SARS1: variants seen among roughly 807,000 people sequenced by gnomAD.
SARS1 encodes the protein seryl-tRNA synthetase 1, also known as serine--tRNA ligase, cytoplasmic.
SARS1 carries 25 observed loss-of-function variants against 63.7 expected under a neutral mutation model. The ratio of observed to expected loss-of-function variants is 0.39; its 90% CI spans 0.29 to 0.55. SARS1 has a LOEUF of 0.55. Among genes scored for constraint, SARS1 ranks in the 20% least tolerant of loss-of-function variants. The pLI is 0.62. For missense variants in SARS1, 417 were observed against 649.7 expected (o/e 0.64, Z 3.89); for synonymous variants, 231 against 243.5 (o/e 0.95, Z 0.48).
chr1:109,228,298 A>T (rs1655134807), intron 2 of SARS1, 54 bp from the exon 3 acceptor site: 1 of 1,305,832 alleles, frequency 7.7e-7, no homozygotes, highest in South Asian at 1.2e-5. Flanking sequence ...TTTATAAAAC[A>T]ATGCCAGAGA....
At chr1:109,218,366 G>GAAA (rs35425522) in intron 1 of SARS1, among the ~76,000 whole-genome samples, 1 of 114,280 alleles carries the variant, frequency 8.8e-6, no homozygotes, top group African/African-American at 3.5e-5. Context: ...GACTTCATCT[G>GAAA]AAAAAAAAAA....
intron 2 of SARS1, among the ~76,000 whole-genome samples, chr1:109,226,495 A>G (rs1655074213): frequency 6.8e-6 from 1 of 146,658 alleles, no homozygotes; most frequent in South Asian, 2.2e-4. Flanking sequence ...AGGACTATAG[A>G]CACATGTCAC....
chr1:109,225,501 A>G (rs943995666), intron 2 of SARS1, among the ~76,000 whole-genome samples: 2 of 152,194 alleles, frequency 1.3e-5, no homozygotes, highest in Non-Finnish European at 1.5e-5. Context: ...TTTTGAAGCA[A>G]GAAGATGGGA....
At position 109,231,640 on chromosome 1, in the gene SARS1, G is replaced by T; in HGVS notation, c.601G>T (p.Val201Leu). ...GTCTCTGCTCCTCTAGGGGGTCCTG[G>T]TGTTCCTGGAACAGGCTCTCATCCA... Reference protein sequence around the residue: ...SRGYFLKGVLVFLEQALIQYA... With the variant: ...SRGYFLKGVLLFLEQALIQYA... Residue 201 changes from valine (V) to leucine (L), a missense_variant, in exon 6 of 11, where the codon GTG becomes TTG. Transcript: ENST00000234677. 1 of 1,536,126 alleles carries T rather than the reference G, an allele frequency of 6.5e-7. No homozygotes were observed. Among genetic ancestry groups the T allele is most frequent in the Non-Finnish European group, 8.7e-7 (1 of 1,145,020 alleles).
intron 2 of SARS1, among the ~76,000 whole-genome samples, chr1:109,228,076 C>G (rs1029370171): frequency 2.6e-5 from 4 of 152,114 alleles, no homozygotes; most frequent in African/African-American, 9.7e-5. Context: ...TGACATTCTT[C>G]TCATATTCTT....
At position 109,237,692 on chromosome 1, in the gene SARS1, G is replaced by A. The variant is rs779554973; in HGVS notation, c.1388-39G>A. The stretch of plus-strand genomic sequence containing the variant: ...AGAGGTCTTAGGGCTTTGACTCACT[G>A]AGAAACAACAGGTCATTTGGTTGGC... On this transcript the variant is annotated intron_variant, in intron 10 of 10. Coordinates refer to ENST00000234677, the MANE Select transcript of SARS1 (RefSeq NM_006513.4). The surrounding 1 kb of genome is among the most constrained non-coding windows in gnomAD (Gnocchi z 4.1). The A allele has an allele frequency of 6.2e-7, 1 of 1,609,786 alleles. No individual in the cohort carries two copies.
intron 1 of SARS1, chr1:109,215,224 A>G: frequency 1.0e-6 from 1 of 985,436 alleles, no homozygotes; most frequent in Non-Finnish European, 1.2e-6. Context: ...TCCACACTTG[A>G]CCTGAAGTTT....
intron 2 of SARS1, among the ~76,000 whole-genome samples, chr1:109,225,285 G>A (rs1432686358): frequency 6.6e-6 from 1 of 152,094 alleles, no homozygotes; most frequent in Non-Finnish European, 1.5e-5. Flanking sequence ...CATGGCAGTC[G>A]GCATCTTTCT....
chr1:109,216,659 A>G lies in SARS1; in HGVS notation c.136+2531A>G, dbSNP rs532248025. On this transcript the variant is annotated intron_variant, in intron 1 of 10. Coordinates refer to ENST00000234677, the MANE Select transcript of SARS1 (RefSeq NM_006513.4). ...TTTCCTTTTTTTTTAATTTGAGACA[A>G]GGTCTCACTGTGTCACCCAGGCATG... 1.3e-3 allele frequency: 1,168 copies of G among 884,660 alleles called. 4 individuals carry two copies. Among genetic ancestry groups the G allele is most frequent in the Non-Finnish European group, 1.6e-3 (1,150 of 738,462 alleles). 54.8% of individuals were successfully genotyped at this position (884,660 alleles called of 1,614,324 possible).
In SARS1 at chr1:109,236,529, CCAAGAAGATGATGGA is replaced by C. The variant is rs1557720270; in HGVS notation, c.1243_1257del (p.Lys415_Lys419del). On this transcript the variant is annotated inframe_deletion, in exon 9 of 11. Transcript: ENST00000234677. ...CGGCTTCGAATCCGATATGGGCAAACCAAGAAGATGATGGACAAGGTAGATGGCCCCCAGGGAGGT... is the reference window on the plus strand; with the variant it reads ...CGGCTTCGAATCCGATATGGGCAAACCAAGGTAGATGGCCCCCAGGGAGGT... 3.1e-6 allele frequency: 5 copies of C among 1,604,062 alleles called. No individual in the cohort carries two copies. The highest frequency in any genetic ancestry group is 4.3e-6 in the Non-Finnish European group (5 of 1,171,572).
Position 109,214,244 on chromosome 1 carries a change from GTGCGGTGGCTCCGAGGT to G in SARS1, c.136+118_136+134del. The G allele has an allele frequency of 1.6e-6, 2 of 1,273,150 alleles. No homozygotes were observed. Among genetic ancestry groups the G allele is most frequent in the Non-Finnish European group, 2.1e-6 (2 of 931,654 alleles). 78.9% of individuals were successfully genotyped at this position (1,273,150 alleles called of 1,614,324 possible). On this transcript the variant is annotated intron_variant, in intron 1 of 10. Coordinates refer to ENST00000234677, the MANE Select transcript of SARS1 (RefSeq NM_006513.4). The surrounding 1 kb of genome is among the most constrained non-coding windows in gnomAD (Gnocchi z 4.6). ...ACCCTTCGTCAGACCCCCTCCCAGG[GTGCGGTGGCTCCGAGGT>G]TCTCCCCATCCCCGAAAACACAGCC...
Position 109,235,487 on chromosome 1 carries a change from G to A in SARS1, c.969+56G>A. 7.2e-7 allele frequency: 1 copy of A among 1,387,692 alleles called. No individual in the cohort carries two copies. The highest frequency in any genetic ancestry group is 1.0e-6 in the Non-Finnish European group (1 of 995,434). 86.0% of individuals were successfully genotyped at this position (1,387,692 alleles called of 1,614,324 possible). A position where few individuals can be genotyped will look rare whatever the true frequency, so the allele number is the denominator to read the frequency against. On this transcript the variant is annotated intron_variant, in intron 7 of 10. Coordinates refer to ENST00000234677, the MANE Select transcript of SARS1 (RefSeq NM_006513.4). The surrounding 1 kb of genome is among the most constrained non-coding windows in gnomAD (Gnocchi z 4.7). ...ACTTTCTCTGTCTCCAGAATGGTTAGATGAGAGATAGGATCTGTGTTGCTG... is the reference window on the plus strand; with the variant it reads ...ACTTTCTCTGTCTCCAGAATGGTTAAATGAGAGATAGGATCTGTGTTGCTG...
chr1:109,231,870 G>A (rs1655219146), intron 6 of SARS1, 84 bp downstream of exon 6: 1 of 1,200,910 alleles, frequency 8.3e-7, no homozygotes, highest in Admixed American at 3.6e-5. Context: ...CTGTCCAATA[G>A]GACTTTCTGC....
rs1472331159 is a variant in SARS1 at position 109,231,699 on chromosome 1, C to T, written c.660C>T (p.Tyr220=). Residue 220 remains tyrosine (Y), a synonymous_variant, in exon 6 of 11, where the codon TAC becomes TAT. Coordinates refer to ENST00000234677, the MANE Select transcript of SARS1 (RefSeq NM_006513.4). ...TTCGCACCTTGGGAAGTCGGGGCTA[C>T]ATTCCCATTTATACCCCCTTTTTCA... is the stretch of plus-strand genomic sequence containing the variant. The part of the protein sequence containing the change: ...YALRTLGSRG[Y]IPIYTPFFMR... 6.3e-7 allele frequency: 1 copy of T among 1,595,742 alleles called. No individual in the cohort carries two copies. The highest frequency in any genetic ancestry group is 8.5e-7 in the Non-Finnish European group (1 of 1,172,064).
In SARS1 at chr1:109,232,084, C is replaced by T. The variant is rs976733477; in HGVS notation, c.747+298C>T. 2.0e-5 allele frequency among the ~76,000 whole-genome samples: 3 copies of T among 152,208 alleles called. No homozygotes were observed. In the East Asian group the frequency reaches 5.8e-4, roughly 29 times the overall value. ...TATCTAAATCAAGCATACTTGAACACCATGAGCTTAGAAAAGAAGCCCATT... is the reference window on the plus strand; with the variant it reads ...TATCTAAATCAAGCATACTTGAACATCATGAGCTTAGAAAAGAAGCCCATT... On this transcript the variant is annotated intron_variant, in intron 6 of 10. Coordinates refer to ENST00000234677, the MANE Select transcript of SARS1 (RefSeq NM_006513.4).
Position 109,237,113 on chromosome 1 carries a change from G to T in SARS1, c.1258-131G>T. 2 of 1,406,504 alleles carry T rather than the reference G, an allele frequency of 1.4e-6. No individual in the cohort carries two copies. The highest frequency in any genetic ancestry group is 9.6e-7 in the Non-Finnish European group (1 of 1,042,284). 87.1% of individuals were successfully genotyped at this position (1,406,504 alleles called of 1,614,324 possible). ...TTCAAATTTAGAAAAAAGTTGCTAA[G>T]GGGTAGAACCCATCATTTTGATTTG... On this transcript the variant is annotated intron_variant, in intron 9 of 10. Transcript: ENST00000234677. This position sits in a 1 kb window ranked among gnomAD's most constrained non-coding sequence, Gnocchi z 4.1.
chr1:109,225,625 A>G (rs1655047327), intron 2 of SARS1, among the ~76,000 whole-genome samples: 1 of 152,226 alleles, frequency 6.6e-6, no homozygotes, highest in Non-Finnish European at 1.5e-5. Flanking sequence ...TTTAATTTGT[A>G]GAGCACTCGA....
chr1:109,235,221 A>G lies in SARS1; in HGVS notation c.759A>G (p.Lys253=). The G allele has an allele frequency of 1.2e-6, 2 of 1,613,946 alleles. No homozygotes were observed. Among genetic ancestry groups the G allele is most frequent in the South Asian group, 2.2e-5 (2 of 91,074 alleles). Residue 253 remains lysine, a synonymous_variant, in exon 7 of 11, where the codon AAA becomes AAG. Coordinates refer to ENST00000234677, the MANE Select transcript of SARS1 (RefSeq NM_006513.4). This position sits in a 1 kb window ranked among gnomAD's most constrained non-coding sequence, Gnocchi z 4.7. Reference sequence around the variant, plus strand: ...CCTTCCTTCCACAGGTGATTGGCAAAGGCAGTGAAAAGTCTGATGACAACT... The same window carrying G: ...CCTTCCTTCCACAGGTGATTGGCAAGGGCAGTGAAAAGTCTGATGACAACT... ...FDEELYKVIG[K]GSEKSDDNSY... is the part of the protein sequence containing the mutation.
In SARS1 at chr1:109,237,044, G is replaced by C; in HGVS notation, c.1258-200G>C. On this transcript the variant is annotated intron_variant, in intron 9 of 10. Transcript: ENST00000234677. This position sits in a 1 kb window ranked among gnomAD's most constrained non-coding sequence, Gnocchi z 4.1. ...CCACTTGTCACTCATCGAAACATGA[G>C]GGATCTTTCTGCAGTTATCTAATAG... is the stretch of plus-strand genomic sequence containing the variant. 8.1e-7 allele frequency: 1 copy of C among 1,237,628 alleles called. No individual in the cohort carries two copies. The highest frequency in any genetic ancestry group is 1.1e-6 in the Non-Finnish European group (1 of 910,866). The allele number at this position is 1,237,628 out of a possible 1,614,324, so 76.7% of individuals were successfully genotyped here. A position where few individuals can be genotyped will look rare whatever the true frequency, so the allele number is the denominator to read the frequency against.
Sources: gnomAD v4.1 joint callset for allele counts (sites outside exome capture counted in the v4.1 genomes callset) on GRCh38, gnomAD v4.1.1 for gene constraint, Gnocchi (gnomAD v3.1) non-coding constraint, MANE v1.5 for transcripts, NCBI Gene and HGNC (gene_info 2026-07-23, HGNC 2026-07-21) for gene names.